The following STPG4 variants were observed in gnomAD, a reference collection of about 807,000 sequenced individuals.
STPG4 encodes the protein protein STPG4.
STPG4 carries 41 observed loss-of-function variants against 31.5 expected under a neutral mutation model. The observed-to-expected ratio is 1.30, with a 90% CI of 1.01 to 1.69. STPG4 has a LOEUF of 1.69. STPG4 is among the 40% of genes most tolerant of loss of function. The pLI is 0.00. For missense variants in STPG4, 375 were observed against 293.4 expected (o/e 1.28, Z -2.03); for synonymous variants, 141 against 103.0 (o/e 1.37, Z -2.24).
chr2:47,142,514 G>C (rs184409904), intron 3 of STPG4, among the ~76,000 whole-genome samples: 1 of 152,182 alleles, frequency 6.6e-6, no homozygotes, highest in East Asian at 1.9e-4. Context: ...ATGTTAGTTG[G>C]AAAAAATTTC....
At chr2:47,140,475 C>T (rs893928546) in intron 3 of STPG4, among the ~76,000 whole-genome samples, 3 of 152,162 alleles carry the variant, frequency 2.0e-5, no homozygotes, top group Admixed American at 6.5e-5. Context: ...AACACTTAGC[C>T]TCCAGCAATT....
At chr2:47,092,610 G>C (rs1486123963) in intron 5 of STPG4, among the ~76,000 whole-genome samples, 2 of 127,280 alleles carry the variant, frequency 1.6e-5, no homozygotes, top group African/African-American at 2.9e-5. Flanking sequence ...AAGGGGAGGG[G>C]AGAGGAGGAG....
chr2:47,102,701 T>C (rs1392551147), intron 5 of STPG4, among the ~76,000 whole-genome samples: 2 of 151,518 alleles, frequency 1.3e-5, no homozygotes, highest in East Asian at 1.9e-4. Context: ...CAGAAGGAAG[T>C]AAGCAAAGAA....
In STPG4 at chr2:47,152,946, A is replaced by G. The variant is rs1396454178; in HGVS notation, c.141+11T>C. On this transcript the variant is annotated intron_variant, in intron 2 of 6. Transcript: ENST00000445927. ...ATAATGTGAATAGGAAAGACTGAAC[A>G]ATGTACATACTGTTAATGCTATTCT... 2 of 1,584,826 alleles carry G rather than the reference A, an allele frequency of 1.3e-6. No homozygotes were observed. The highest frequency in any genetic ancestry group is 4.5e-5 in the East Asian group (2 of 44,600).
chr2:47,104,701 G>T (rs1301712676), intron 5 of STPG4, among the ~76,000 whole-genome samples: 1 of 151,876 alleles, frequency 6.6e-6, no homozygotes, highest in Non-Finnish European at 1.5e-5. Flanking sequence ...AGGCACTCTG[G>T]TCCTTCAATA....
intron 5 of STPG4, among the ~76,000 whole-genome samples, chr2:47,115,506 G>A (rs1412421938): frequency 6.6e-6 from 1 of 152,124 alleles, no homozygotes; most frequent in Non-Finnish European, 1.5e-5. Context: ...AGAATCCTAA[G>A]TTGAAAATAA....
chr2:47,102,436 G>A (rs955395678), intron 5 of STPG4, among the ~76,000 whole-genome samples: 5 of 151,736 alleles, frequency 3.3e-5, no homozygotes, highest in African/African-American at 1.2e-4. Flanking sequence ...TTCTCTCTCT[G>A]ATGGGGAAAA....
At chr2:47,088,949 G>A (rs1473787941) in intron 6 of STPG4, among the ~76,000 whole-genome samples, 1 of 152,120 alleles carries the variant, frequency 6.6e-6, no homozygotes, top group South Asian at 2.1e-4. Context: ...GCCACCCCTC[G>A]GGAGGCTGCT....
At chr2:47,133,142 T>C (rs1486510316) in intron 3 of STPG4, among the ~76,000 whole-genome samples, 2 of 152,052 alleles carry the variant, frequency 1.3e-5, no homozygotes, top group South Asian at 4.1e-4. Flanking sequence ...TGCATATATA[T>C]ATTTCTAACT....
At chr2:47,094,205 C>G (rs1685627580) in intron 5 of STPG4, among the ~76,000 whole-genome samples, 1 of 152,318 alleles carries the variant, frequency 6.6e-6, no homozygotes, top group East Asian at 1.9e-4. Flanking sequence ...ATCAAATGGG[C>G]CATTTCTTAA....
chr2:47,096,141 G>A (rs970864754), intron 5 of STPG4, among the ~76,000 whole-genome samples: 3 of 152,194 alleles, frequency 2.0e-5, no homozygotes, highest in Non-Finnish European at 2.9e-5. Flanking sequence ...CCAAGTAGGC[G>A]TGGATTTCCT....
intron 5 of STPG4, among the ~76,000 whole-genome samples, chr2:47,120,192 G>A (rs893154782): frequency 2.6e-5 from 4 of 152,102 alleles, no homozygotes; most frequent in African/African-American, 9.7e-5. Context: ...TTAGCTGGGC[G>A]TGGTGGCCCA....
intron 5 of STPG4, among the ~76,000 whole-genome samples, chr2:47,099,334 C>T (rs1186587872): frequency 2.0e-5 from 3 of 152,258 alleles, no homozygotes; most frequent in Non-Finnish European, 4.4e-5. Flanking sequence ...GAACCCTCTC[C>T]TCCCACTTCC....
At chr2:47,094,455 A>AG (rs961640386) in intron 5 of STPG4, among the ~76,000 whole-genome samples, 4 of 152,204 alleles carry the variant, frequency 2.6e-5, no homozygotes, top group African/African-American at 9.6e-5. Context: ...CCTTTGAAGA[A>AG]GCCCTATTTA....
At chr2:47,101,665 C>A (rs915136342) in intron 5 of STPG4, among the ~76,000 whole-genome samples, 15 of 151,758 alleles carry the variant, frequency 9.9e-5, no homozygotes, top group Non-Finnish European at 1.8e-4. Context: ...TGCCCAAAGC[C>A]CCATCATAGT....
intron 3 of STPG4, among the ~76,000 whole-genome samples, chr2:47,150,494 CTTCTT>C (rs1215871885): frequency 2.6e-5 from 4 of 151,714 alleles, no homozygotes; most frequent in African/African-American, 4.8e-5. Flanking sequence ...CACATGCTCA[CTTCTT>C]TTCTTTTTTT....
chr2:47,146,964 G>A (rs573278659), intron 3 of STPG4, among the ~76,000 whole-genome samples: 17 of 151,950 alleles, frequency 1.1e-4, no homozygotes, highest in Admixed American at 6.6e-5. Flanking sequence ...TAATGAGACC[G>A]CCTCTTCTAA....
intron 5 of STPG4, among the ~76,000 whole-genome samples, chr2:47,106,231 C>A (rs1344207438): frequency 2.0e-5 from 3 of 151,948 alleles, no homozygotes; most frequent in South Asian, 2.1e-4. Flanking sequence ...GCATATTTTT[C>A]TATGTGGAAC....
intron 5 of STPG4, among the ~76,000 whole-genome samples, chr2:47,126,243 CTTCT>C (rs1165788698): frequency 1.3e-5 from 2 of 151,718 alleles, no homozygotes; most frequent in African/African-American, 2.4e-5. Context: ...AGGGTTCTTT[CTTCT>C]TTCTTTCCTT....
Sources: gnomAD v4.1 joint callset for allele counts (sites outside exome capture counted in the v4.1 genomes callset) on GRCh38, gnomAD v4.1.1 for gene constraint, MANE v1.5 for transcripts, NCBI Gene and HGNC (gene_info 2026-07-23, HGNC 2026-07-21) for gene names.